The following BAIAP2 variants were observed in gnomAD, a reference collection of about 807,000 sequenced individuals.
BAIAP2 encodes the protein BAR/IMD domain containing adaptor protein 2, also known as BAR/IMD domain-containing adapter protein 2.
A neutral mutation model predicts 63.0 loss-of-function variants in BAIAP2; 18 were observed. The ratio of observed to expected loss-of-function variants is 0.29; its 90% confidence interval spans 0.20 to 0.42. The LOEUF is 0.42. Among genes scored for constraint, BAIAP2 ranks in the 10% least tolerant of loss-of-function variants. BAIAP2 has a pLI of 1.00. For synonymous variants in BAIAP2, 386 were observed against 307.6 expected (o/e 1.25, Z -2.67); for missense variants, 610 against 734.3 (o/e 0.83, Z 1.96).
intron 6 of BAIAP2, among the ~76,000 whole-genome samples, chr17:81,093,078 CCTGGGCTGGGCTGGGCTGGGCTGGG>C (rs6146169): frequency 0.17 from 24,946 of 147,424 alleles, 2,159 homozygotes; most frequent in Middle Eastern, 0.34. Context: ...CCACCCACTC[CCTGGGCTGGGCTGGGCTGGGCTGGG>C]CTGGGCTGGG....
At chr17:81,059,714 C>T (rs1452840319) in intron 3 of BAIAP2, among the ~76,000 whole-genome samples, 1 of 152,064 alleles carries the variant, frequency 6.6e-6, no homozygotes, top group Admixed American at 6.5e-5. Context: ...GCCTCCTAGA[C>T]TGCTGGGATT....
Position 81,100,076 on chromosome 17 carries a change from C to G in BAIAP2, c.638C>G (p.Ser213Cys), listed in dbSNP as rs1460775535. 1 of 1,609,160 alleles carries G rather than the reference C, an allele frequency of 6.2e-7. No individual in the cohort carries two copies. The highest frequency in any genetic ancestry group is 8.5e-7 in the Non-Finnish European group (1 of 1,178,492). The stretch of plus-strand genomic sequence containing the variant: ...GCCAAGAACTCCGCGGCCTACCACT[C>G]CAAGGTGAGGCGGCTGGGGGCTGCG... ...AVAKNSAAYH[S>C]KGKELLAQKL... Residue 213 changes from serine to cysteine, a missense_variant, in exon 7 of 14, where the codon TCC becomes TGC. By Grantham distance (112) the Ser-to-Cys change is moderately radical (BLOSUM62 -1). Coordinates refer to ENST00000428708, the MANE Select transcript of BAIAP2 (RefSeq NM_001144888.2).
At chr17:81,098,100 A>G (rs2057940316) in intron 6 of BAIAP2, 2 of 1,369,630 alleles carry the variant, frequency 1.5e-6, no homozygotes, top group Non-Finnish European at 1.9e-6. Context: ...TGGAGGGGCC[A>G]GCGGGGGGTG....
intron 12 of BAIAP2, chr17:81,108,117 G>T: frequency 2.8e-6 from 1 of 358,598 alleles, no homozygotes; most frequent in Non-Finnish European, 5.1e-6. Flanking sequence ...GCCCGCCCAG[G>T]CATGGGTGAG....
At chr17:81,094,164 TC>T (rs1340467772) in intron 6 of BAIAP2, among the ~76,000 whole-genome samples, 2 of 152,040 alleles carry the variant, frequency 1.3e-5, no homozygotes, top group African/African-American at 4.8e-5. Context: ...CACTCGAACA[TC>T]TTAGCCCCCA....
In BAIAP2 at chr17:81,112,888, C is replaced by CA. The variant is rs796419504; in HGVS notation, c.1536-2872dup. Among the ~76,000 whole-genome samples the CA allele has an allele frequency of 7.2e-3, 1,056 of 146,520 alleles. 11 individuals are homozygous for CA. Among genetic ancestry groups the CA allele is most frequent in the African/African-American group, 0.02 (805 of 39,940 alleles). Reference sequence around the variant, plus strand: ...CAACCTAGGGAGACCCCCATCTTGACAAAAAAAAAAGTTAAAAATTAGCCA... The same window carrying CA: ...CAACCTAGGGAGACCCCCATCTTGACAAAAAAAAAAAGTTAAAAATTAGCCA... On this transcript the variant is annotated intron_variant, in intron 13 of 13. Coordinates refer to ENST00000428708, the MANE Select transcript of BAIAP2 (RefSeq NM_001144888.2).
intron 1 of BAIAP2, among the ~76,000 whole-genome samples, chr17:81,044,308 T>A (rs760537258): frequency 6.6e-6 from 1 of 152,212 alleles, no homozygotes; most frequent in Non-Finnish European, 1.5e-5. Flanking sequence ...GTGACCAGAC[T>A]TGGGTCTGCG....
At position 81,106,093 on chromosome 17, in the gene BAIAP2, C is replaced by T; in HGVS notation, c.1284C>T (p.Pro428=). ...TCTCTTCCAGGCGGGGCTGGTTTCC[C>T]TTCTCCTACACCCGGGTCTTGGACA... ...SEKTKMRGWF[P]FSYTRVLDSD... is the part of the protein sequence containing the mutation. Residue 428 remains proline (P), a synonymous_variant, in exon 11 of 14, where the codon CCC becomes CCT. Coordinates refer to ENST00000428708, the MANE Select transcript of BAIAP2 (RefSeq NM_001144888.2). 1.9e-6 allele frequency: 3 copies of T among 1,580,518 alleles called. No individual in the cohort carries two copies. Among genetic ancestry groups the T allele is most frequent in the Non-Finnish European group, 2.6e-6 (3 of 1,162,974 alleles).
chr17:81,055,569 G>GTTTTTTTTTTTTTTTTTTTTTTTTTT (rs1555657837), intron 2 of BAIAP2, among the ~76,000 whole-genome samples: 3 of 94,212 alleles, frequency 3.2e-5, no homozygotes, highest in South Asian at 4.2e-4. Context: ...TCTGCAGGGT[G>GTTTTTTTTTTTTTTTTTTTTTTTTTT]TTTTGTTTTT....
chr17:81,116,460 C>G lies in BAIAP2; in HGVS notation c.*621C>G. 1 of 985,684 alleles carries G rather than the reference C, an allele frequency of 1.0e-6. No homozygotes were observed. The highest frequency in any genetic ancestry group is 1.5e-6 in the Non-Finnish European group (1 of 681,994). The allele number at this position is 985,684 out of a possible 1,614,324, so 61.1% of individuals were successfully genotyped here. A position where few individuals can be genotyped will look rare whatever the true frequency, so the allele number is the denominator to read the frequency against. ...CTCCCCAGGCCCCTCCTGCCTCGGG[C>G]AGGCCCCAGCCCTCCTCCTTACCCA... On this transcript the variant is annotated 3_prime_UTR_variant, in exon 14 of 14. Coordinates refer to ENST00000428708, the MANE Select transcript of BAIAP2 (RefSeq NM_001144888.2).
At chr17:81,102,022 C>T (rs576700213) in intron 7 of BAIAP2, among the ~76,000 whole-genome samples, 1 of 152,262 alleles carries the variant, frequency 6.6e-6, no homozygotes, top group African/African-American at 2.4e-5. Context: ...GGATGGAGGG[C>T]GGGGAAGCCA....
chr17:81,067,137 G>T (rs1273368734), intron 3 of BAIAP2, among the ~76,000 whole-genome samples: 1 of 152,206 alleles, frequency 6.6e-6, no homozygotes, highest in Non-Finnish European at 1.5e-5. Context: ...GAGCCCAACC[G>T]CTTGCTCCGA....
At chr17:81,076,225 C>T (rs1052005206) in intron 3 of BAIAP2, 4 of 152,234 alleles carry the variant, frequency 2.6e-5, no homozygotes, top group African/African-American at 9.6e-5. Flanking sequence ...TAACCATCTG[C>T]AGCTTAACTC....
At chr17:81,038,569 C>G (rs946328631) in intron 1 of BAIAP2, among the ~76,000 whole-genome samples, 2 of 152,240 alleles carry the variant, frequency 1.3e-5, no homozygotes, top group African/African-American at 4.8e-5. Context: ...GTGGGGAAGC[C>G]AGCCTGGCGG....
At chr17:81,074,121 C>T (rs947166092) in intron 3 of BAIAP2, among the ~76,000 whole-genome samples, 7 of 152,214 alleles carry the variant, frequency 4.6e-5, no homozygotes, top group East Asian at 1.9e-4. Flanking sequence ...GAGGAGGATG[C>T]GTCTGTGGTA....
At chr17:81,097,493 A>G (rs1485393424) in intron 6 of BAIAP2, 1 of 152,096 alleles carries the variant, frequency 6.6e-6, no homozygotes, top group East Asian at 1.9e-4. Flanking sequence ...CCGGCCCGGC[A>G]CTGCCCACCC....
chr17:81,079,007 A>C (rs918132034), intron 3 of BAIAP2, among the ~76,000 whole-genome samples: 16 of 152,122 alleles, frequency 1.1e-4, no homozygotes, highest in Non-Finnish European at 1.5e-5. Flanking sequence ...GATGGAGGGC[A>C]GTTGTGGGGT....
intron 6 of BAIAP2, among the ~76,000 whole-genome samples, chr17:81,095,851 C>T (rs139197488): frequency 1.3e-4 from 20 of 152,296 alleles, no homozygotes; most frequent in African/African-American, 4.6e-4. Flanking sequence ...AAAAATAAAA[C>T]ACCAACTCTC....
chr17:81,116,413 C>G lies in BAIAP2; in HGVS notation c.*574C>G. On this transcript the variant is annotated 3_prime_UTR_variant, in exon 14 of 14. Coordinates refer to ENST00000428708, the MANE Select transcript of BAIAP2 (RefSeq NM_001144888.2). The stretch of plus-strand genomic sequence containing the variant: ...TGGGGCTCTCCTGGGCCCCTCACTC[C>G]CACTGGCAATGTCACAAGGGCCTCC... The G allele has an allele frequency of 3.5e-6, 5 of 1,431,420 alleles. No individual in the cohort carries two copies. The highest frequency in any genetic ancestry group is 4.8e-6 in the Non-Finnish European group (5 of 1,051,464). 88.7% of individuals were successfully genotyped at this position (1,431,420 alleles called of 1,614,324 possible).
Sources: allele counts gnomAD v4.1 joint callset (sites outside exome capture counted in the v4.1 genomes callset), GRCh38; gene constraint gnomAD v4.1.1; transcripts MANE v1.5; gene names NCBI Gene and HGNC (gene_info 2026-07-23, HGNC 2026-07-21).